CNTNAP5: variants seen among roughly 807,000 people sequenced by gnomAD.
CNTNAP5 encodes contactin-associated protein-like 5.
Under a neutral mutation model 150.2 loss-of-function variants are expected in CNTNAP5, and 72 were observed. That is an observed-to-expected ratio of 0.48 (90% CI 0.40 to 0.58). CNTNAP5 has a LOEUF of 0.58. CNTNAP5 is among the 20% of genes least tolerant of loss of function. The pLI is 0.00. For synonymous variants in CNTNAP5, 672 were observed against 619.8 expected, an observed-to-expected ratio of 1.08 and a Z score of -1.25; for missense variants, 1,636 against 1,626.2, an observed-to-expected ratio of 1.01 and a Z score of -0.10.
intron 13 of CNTNAP5, among the ~76,000 whole-genome samples, chr2:124,651,205 G>T (rs780362210): frequency 1.3e-5 from 2 of 152,132 alleles, no homozygotes; most frequent in East Asian, 1.9e-4. Context: ...TAGCCTACTG[G>T]CTATTGCTAA....
At chr2:124,531,995 C>T (rs1417546151) in intron 10 of CNTNAP5, among the ~76,000 whole-genome samples, 1 of 152,026 alleles carries the variant, frequency 6.6e-6, no homozygotes, top group Non-Finnish European at 1.5e-5. Flanking sequence ...TAAAGTTCTG[C>T]CAGGAATTCT....
intron 19 of CNTNAP5, among the ~76,000 whole-genome samples, chr2:124,821,157 A>G (rs575161414): frequency 7.9e-5 from 12 of 152,340 alleles, no homozygotes; most frequent in Non-Finnish European, 1.3e-4. Flanking sequence ...GAACAATAAT[A>G]CAACCTACAT....
At chr2:124,331,103 G>C (rs13417332) in intron 3 of CNTNAP5, among the ~76,000 whole-genome samples, 87,340 of 151,756 alleles carry the variant, frequency 0.58, 25,583 homozygotes, top group African/African-American at 0.67. Context: ...AAAGACAACA[G>C]TTTATAATTA....
intron 1 of CNTNAP5, among the ~76,000 whole-genome samples, chr2:124,127,075 G>A (rs934586861): frequency 4.6e-5 from 7 of 152,188 alleles, no homozygotes; most frequent in African/African-American, 1.4e-4. Context: ...TCTGGAAGGA[G>A]AAAGAAATAA....
chr2:124,550,210 G>A (rs1472631907), intron 10 of CNTNAP5, among the ~76,000 whole-genome samples: 1 of 152,024 alleles, frequency 6.6e-6, no homozygotes, highest in Non-Finnish European at 1.5e-5. Context: ...TCACAAGAGA[G>A]CCCAAAACAA....
chr2:124,081,560 T>C (rs1391528068), intron 1 of CNTNAP5, among the ~76,000 whole-genome samples: 2 of 152,216 alleles, frequency 1.3e-5, no homozygotes, highest in Admixed American at 6.5e-5. Context: ...TTCTGAGTCA[T>C]AGGCCTGAGG....
intron 1 of CNTNAP5, among the ~76,000 whole-genome samples, chr2:124,165,281 G>A (rs1002377958): frequency 6.6e-6 from 1 of 152,146 alleles, no homozygotes; most frequent in African/African-American, 2.4e-5. Flanking sequence ...GTAAATCTCA[G>A]AGGTCCTTTC....
At chr2:124,346,571 A>T (rs992324266) in intron 3 of CNTNAP5, among the ~76,000 whole-genome samples, 1 of 152,176 alleles carries the variant, frequency 6.6e-6, no homozygotes, top group African/African-American at 2.4e-5. Context: ...ATTGCAATTT[A>T]AAAAATCAAC....
At chr2:124,844,337 T>C (rs1159146788) in intron 19 of CNTNAP5, among the ~76,000 whole-genome samples, 2 of 152,182 alleles carry the variant, frequency 1.3e-5, no homozygotes, top group Non-Finnish European at 2.9e-5. Flanking sequence ...TTTGGCTTTA[T>C]TTCCAGGTTC....
intron 13 of CNTNAP5, among the ~76,000 whole-genome samples, chr2:124,694,509 G>A (rs1168436010): frequency 6.6e-6 from 1 of 152,100 alleles, no homozygotes; most frequent in Admixed American, 6.6e-5. Flanking sequence ...TATTGGTAAA[G>A]ACCTTAATGA....
rs114471661 is a variant in CNTNAP5 at position 124,733,888 on chromosome 2, A to G, written c.2078-13341A>G. On this transcript the variant is annotated intron_variant, in intron 13 of 23. Transcript: ENST00000682447. ...TGATGGGGGAGAGTGTTAATACGAC[A>G]TGCACAGGCTTTGCTGTCTTGATAG... 4.4e-3 allele frequency among the ~76,000 whole-genome samples: 672 copies of G among 152,266 alleles called. 5 individuals carry two copies. Among genetic ancestry groups the G allele is most frequent in the African/African-American group, 0.016 (647 of 41,568 alleles).
chr2:124,380,587 A>C (rs557138481), intron 3 of CNTNAP5, among the ~76,000 whole-genome samples: 61 of 152,324 alleles, frequency 4.0e-4, no homozygotes, highest in African/African-American at 1.4e-3. Flanking sequence ...CTTTAGCAGT[A>C]AATTACAGAC....
chr2:124,309,702 C>T (rs1688777062), intron 3 of CNTNAP5, among the ~76,000 whole-genome samples: 1 of 152,138 alleles, frequency 6.6e-6, no homozygotes, highest in African/African-American at 2.4e-5. Context: ...CGGTGCCTCC[C>T]CTGAGGATAT....
chr2:124,054,439 C>T (rs941277834), intron 1 of CNTNAP5, among the ~76,000 whole-genome samples: 1 of 152,100 alleles, frequency 6.6e-6, no homozygotes, highest in African/African-American at 2.4e-5. Context: ...AAGGGTGGAC[C>T]TAAGTCATAC....
chr2:124,473,056 G>A (rs1193220564), intron 6 of CNTNAP5, among the ~76,000 whole-genome samples: 1 of 151,916 alleles, frequency 6.6e-6, no homozygotes, highest in Admixed American at 6.6e-5. Context: ...AAATATACCA[G>A]CAGCAATAAG....
At position 124,277,931 on chromosome 2, in the gene CNTNAP5, T is replaced by C. The variant is rs191174126; in HGVS notation, c.381+35538T>C. Among the ~76,000 whole-genome samples, 506 of 152,264 alleles carry C rather than the reference T, an allele frequency of 3.3e-3. 4 individuals carry two copies. The highest frequency in any genetic ancestry group is 0.012 in the African/African-American group (491 of 41,574). On this transcript the variant is annotated intron_variant, in intron 3 of 23. Transcript: ENST00000682447. ...GAAACAGGTCATTCCATAACTGCCC[T>C]TGTTACCTTCCCATCAAGTGCCCCT...
intron 22 of CNTNAP5, among the ~76,000 whole-genome samples, chr2:124,907,685 G>C (rs1021958862): frequency 2.0e-5 from 3 of 150,766 alleles, no homozygotes; most frequent in Non-Finnish European, 4.4e-5. Context: ...AAAACTAAAA[G>C]ATAGCTCTAA....
intron 12 of CNTNAP5, among the ~76,000 whole-genome samples, chr2:124,612,943 C>T (rs1677416769): frequency 1.3e-5 from 2 of 152,070 alleles, no homozygotes; most frequent in Admixed American, 6.6e-5. Context: ...GTCCCAGCTA[C>T]TTGGAGGCTG....
intron 13 of CNTNAP5, among the ~76,000 whole-genome samples, chr2:124,716,345 G>A (rs1905205): frequency 0.21 from 31,276 of 151,788 alleles, 3,315 homozygotes; most frequent in East Asian, 0.24. Flanking sequence ...AACATATATC[G>A]TTATCCTTAT....
Sources: gnomAD v4.1 joint callset for allele counts (sites outside exome capture counted in the v4.1 genomes callset) on GRCh38, gnomAD v4.1.1 for gene constraint, MANE v1.5 for transcripts, NCBI Gene and HGNC (gene_info 2026-07-23, HGNC 2026-07-21) for gene names.